The following RNFT2 variants were observed in gnomAD, a reference collection of about 807,000 sequenced individuals.
RNFT2 encodes the protein E3 ubiquitin-protein ligase RNFT2.
Under a neutral mutation model 53.0 loss-of-function variants are expected in RNFT2, and 36 were observed. The ratio of observed to expected loss-of-function variants is 0.68; its 90% CI spans 0.52 to 0.90. The LOEUF (loss-of-function observed/expected upper bound fraction) is 0.90. RNFT2 is among the 40% of genes least tolerant of loss of function. RNFT2 has a pLI of 0.00. For synonymous variants in RNFT2, 260 were observed against 253.2 expected (o/e 1.03, Z -0.26); for missense variants, 514 against 585.6 (o/e 0.88, Z 1.26).
At chr12:116,759,914 T>G (rs897206105) in intron 5 of RNFT2, among the ~76,000 whole-genome samples, 5 of 152,106 alleles carry the variant, frequency 3.3e-5, no homozygotes, top group African/African-American at 1.2e-4. Context: ...GCTCTAGAAC[T>G]CTCGAGTTTC....
chr12:116,831,319 G>C (rs1302387233), intron 7 of RNFT2, among the ~76,000 whole-genome samples: 1 of 152,128 alleles, frequency 6.6e-6, no homozygotes, highest in African/African-American at 2.4e-5. Context: ...AAGTGATACT[G>C]TGTCTTTTCA....
intron 7 of RNFT2, among the ~76,000 whole-genome samples, chr12:116,809,156 A>C (rs1875235564): frequency 6.6e-6 from 1 of 151,950 alleles, no homozygotes; most frequent in African/African-American, 2.4e-5. Flanking sequence ...ACTGAAGAAC[A>C]CAGAGGCTGG....
At chr12:116,763,176 GAA>G (rs67556946) in intron 5 of RNFT2, among the ~76,000 whole-genome samples, 70 of 147,218 alleles carry the variant, frequency 4.8e-4, no homozygotes, top group South Asian at 1.9e-3. Flanking sequence ...TGTGCTTTCA[GAA>G]AAAAAAAAAA....
At chr12:116,750,809 A>AAT (rs1491170919) in intron 4 of RNFT2, among the ~76,000 whole-genome samples, 1 of 25,212 alleles carries the variant, frequency 4.0e-5, no homozygotes, top group African/African-American at 1.5e-4. Context: ...ATATATATAT[A>AAT]ATATATATAT....
intron 5 of RNFT2, among the ~76,000 whole-genome samples, chr12:116,765,479 A>G (rs1265279572): frequency 6.6e-6 from 1 of 152,150 alleles, no homozygotes; most frequent in African/African-American, 2.4e-5. Flanking sequence ...AACCACAGGG[A>G]AGGTTACACT....
chr12:116,812,488 G>A (rs1319636546), intron 7 of RNFT2, among the ~76,000 whole-genome samples: 4 of 151,948 alleles, frequency 2.6e-5, no homozygotes, highest in African/African-American at 9.7e-5. Context: ...AGGAGGTGGC[G>A]GGGAGATCTC....
intron 7 of RNFT2, among the ~76,000 whole-genome samples, chr12:116,789,984 A>G (rs946982618): frequency 7.2e-5 from 11 of 151,910 alleles, no homozygotes; most frequent in Non-Finnish European, 1.5e-4. Context: ...GGATGGATGG[A>G]TGGATGGATA....
intron 7 of RNFT2, among the ~76,000 whole-genome samples, chr12:116,825,057 C>G (rs1876253924): frequency 6.6e-6 from 1 of 152,340 alleles, no homozygotes; most frequent in East Asian, 1.9e-4. Flanking sequence ...GCTGGACTGT[C>G]CAAGATGGCA....
At chr12:116,844,685 A>G (rs1409053558) in intron 10 of RNFT2, among the ~76,000 whole-genome samples, 1 of 152,232 alleles carries the variant, frequency 6.6e-6, no homozygotes, top group Non-Finnish European at 1.5e-5. Context: ...GCACCAGAAT[A>G]TCTGAGAACT....
intron 7 of RNFT2, among the ~76,000 whole-genome samples, chr12:116,780,079 TGA>T (rs1873621609): frequency 6.6e-6 from 1 of 152,174 alleles, no homozygotes; most frequent in African/African-American, 2.4e-5. Context: ...TTCAGAAAGC[TGA>T]GACATGTCCC....
chr12:116,847,532 C>CTT lies in RNFT2; in HGVS notation c.1201-1771_1201-1770dup, dbSNP rs56687861. On this transcript the variant is annotated intron_variant, in intron 10 of 10. Transcript: ENST00000257575. ...TCTCCCTGCCTTTCTCTCTCTCTCT[C>CTT]TTTTTTTTTTTTGAGGCAGAGTTTT... is the stretch of plus-strand genomic sequence containing the variant. Among the ~76,000 whole-genome samples the CTT allele has an allele frequency of 7.3e-3, 1,064 of 145,568 alleles. 8 individuals are homozygous for CTT. The highest frequency in any genetic ancestry group is 0.015 in the African/African-American group (577 of 39,714).
Position 116,851,966 on chromosome 12 carries a change from C to T in RNFT2, c.*2518C>T. 1 of 1,511,372 alleles carries T rather than the reference C, an allele frequency of 6.6e-7. No individual in the cohort carries two copies. Among genetic ancestry groups the T allele is most frequent in the Admixed American group, 2.2e-5 (1 of 46,370 alleles). 93.6% of individuals were successfully genotyped at this position (1,511,372 alleles called of 1,614,324 possible). On this transcript the variant is annotated 3_prime_UTR_variant, in exon 11 of 11. Coordinates refer to ENST00000257575, the MANE Select transcript of RNFT2 (RefSeq NM_001382266.1). ...GTAGCCTTCAGAGCAAACAGGACAA[C>T]CTATGTTATGGATGTTTCCACCAAC...
intron 7 of RNFT2, among the ~76,000 whole-genome samples, chr12:116,790,890 T>C (rs540776956): frequency 6.6e-6 from 1 of 152,282 alleles, no homozygotes; most frequent in African/African-American, 2.4e-5. Context: ...CTAATAAGGT[T>C]AAGGCTGCTG....
rs1015020698 is a variant in RNFT2, at chr12:116,853,494, G to A, written c.*4046G>A. The A allele has an allele frequency of 1.4e-5, 4 of 295,986 alleles. No individual in the cohort carries two copies. The highest frequency in any genetic ancestry group is 5.1e-5 in the Admixed American group (1 of 19,440). 18.3% of individuals were successfully genotyped at this position (295,986 alleles called of 1,614,324 possible). A position where few individuals can be genotyped will look rare whatever the true frequency, so the allele number is the denominator to read the frequency against. On this transcript the variant is annotated 3_prime_UTR_variant, in exon 11 of 11. Coordinates refer to ENST00000257575, the MANE Select transcript of RNFT2 (RefSeq NM_001382266.1). ...GAAGACATCCGGGCTGCTGAGACTC[G>A]GGATTAGAAGAAAGAGAGGTAAATA...
At chr12:116,810,997 G>T (rs1044987537) in intron 7 of RNFT2, among the ~76,000 whole-genome samples, 2 of 152,246 alleles carry the variant, frequency 1.3e-5, no homozygotes, top group Non-Finnish European at 2.9e-5. Flanking sequence ...GGGCTCTGGA[G>T]TCAGGTGGAT....
chr12:116,812,625 C>G (rs772408143), intron 7 of RNFT2, among the ~76,000 whole-genome samples: 39 of 151,706 alleles, frequency 2.6e-4, no homozygotes, highest in Non-Finnish European at 4.9e-4. Flanking sequence ...ACCTCCACCT[C>G]CTGGGTTTAA....
chr12:116,849,533 C>A lies in RNFT2; in HGVS notation c.*85C>A. 6.8e-7 allele frequency: 1 copy of A among 1,469,928 alleles called. No homozygotes were observed. Among genetic ancestry groups the A allele is most frequent in the South Asian group, 1.4e-5 (1 of 74,050 alleles). The allele number at this position is 1,469,928 out of a possible 1,614,324, so 91.1% of individuals were successfully genotyped here. A position where few individuals can be genotyped will look rare whatever the true frequency, so the allele number is the denominator to read the frequency against. On this transcript the variant is annotated 3_prime_UTR_variant, in exon 11 of 11. Coordinates refer to ENST00000257575, the MANE Select transcript of RNFT2 (RefSeq NM_001382266.1). ...TGCGGGGGCTTCCTGAGAAACAGGC[C>A]TCAAGCACTTACATCCTGCCTCTTG... is the stretch of plus-strand genomic sequence containing the variant.
intron 5 of RNFT2, among the ~76,000 whole-genome samples, chr12:116,761,569 G>A (rs1365637974): frequency 7.2e-5 from 11 of 152,174 alleles, no homozygotes; most frequent in South Asian, 4.1e-4. Flanking sequence ...CACTAACTGC[G>A]TGCCCGGCAC....
chr12:116,751,157 C>T (rs1326894586), intron 4 of RNFT2, among the ~76,000 whole-genome samples: 1 of 151,416 alleles, frequency 6.6e-6, no homozygotes, highest in Non-Finnish European at 1.5e-5. Context: ...CTCAAGCAAT[C>T]CTCCCACCTA....
Sources: gnomAD v4.1 joint callset for allele counts (sites outside exome capture counted in the v4.1 genomes callset) on GRCh38, gnomAD v4.1.1 for gene constraint, MANE v1.5 for transcripts, NCBI Gene and HGNC (gene_info 2026-07-23, HGNC 2026-07-21) for gene names.